COA1: variants seen among roughly 807,000 people sequenced by gnomAD.
COA1 encodes the protein cytochrome c oxidase assembly factor 1.
In COA1, 13 loss-of-function variants were observed where a neutral mutation model predicts 16.0. The ratio of observed to expected loss-of-function variants is 0.81; its 90% CI spans 0.53 to 1.29. COA1 has a LOEUF of 1.29. Ranked by LOEUF, COA1 falls within the 50% of genes most tolerant of loss-of-function variation. COA1 has a pLI of 0.00. For synonymous variants in COA1, 65 were observed against 65.7 expected, an observed-to-expected ratio of 0.99 and a Z score of 0.05; for missense variants, 179 against 177.0, an observed-to-expected ratio of 1.01 and a Z score of -0.06.
chr7:43,674,456 G>A (rs576655237), intron 1 of COA1, among the ~76,000 whole-genome samples: 1 of 152,248 alleles, frequency 6.6e-6, no homozygotes, highest in East Asian at 1.9e-4. Flanking sequence ...ACACAACAAA[G>A]CTTACTTCTT....
intron 1 of COA1, among the ~76,000 whole-genome samples, chr7:43,712,736 AG>A (rs2095289465): frequency 6.6e-6 from 1 of 152,200 alleles, no homozygotes; most frequent in East Asian, 1.9e-4. Flanking sequence ...ATTGAACCTC[AG>A]GAACAGTCAG....
intron 1 of COA1, among the ~76,000 whole-genome samples, chr7:43,669,957 G>A (rs992326045): frequency 2.6e-5 from 4 of 152,066 alleles, no homozygotes; most frequent in African/African-American, 7.2e-5. Context: ...AAAGGAAAGC[G>A]GGGCCCTGGC....
At chr7:43,640,019 A>G (rs1324739309) in intron 5 of COA1, among the ~76,000 whole-genome samples, 2 of 152,194 alleles carry the variant, frequency 1.3e-5, no homozygotes, top group African/African-American at 4.8e-5. Flanking sequence ...TCCCAGGCTC[A>G]GAGGTCAGTG....
chr7:43,670,296 G>C (rs960130840), intron 1 of COA1, among the ~76,000 whole-genome samples: 23 of 151,776 alleles, frequency 1.5e-4, no homozygotes, highest in African/African-American at 5.6e-4. Flanking sequence ...TAAAAATACA[G>C]AAAAAAATTA....
At chr7:43,710,375 A>AAAAATATAT (rs761592421) in intron 1 of COA1, among the ~76,000 whole-genome samples, 1 of 36,450 alleles carries the variant, frequency 2.7e-5, no homozygotes, top group African/African-American at 1.3e-4. Context: ...AAAAAAAAAA[A>AAAAATATAT]ATATATATAT....
intron 1 of COA1, among the ~76,000 whole-genome samples, chr7:43,684,806 T>C (rs998559758): frequency 3.9e-5 from 6 of 152,212 alleles, no homozygotes; most frequent in Non-Finnish European, 7.3e-5. Context: ...TCTGACACTT[T>C]TGGGGTAGCC....
intron 1 of COA1, among the ~76,000 whole-genome samples, chr7:43,658,539 T>C (rs10951739): frequency 0.83 from 125,956 of 152,182 alleles, 52,579 homozygotes; most frequent in African/African-American, 0.94. Context: ...TTCTAAACTG[T>C]ACTTTCTTAA....
chr7:43,647,512 C>A (rs776556154), intron 3 of COA1, 23 bp downstream of exon 3: 2 of 1,549,100 alleles, frequency 1.3e-6, no homozygotes, highest in South Asian at 1.1e-5. Flanking sequence ...GGTCAGGCCG[C>A]AGGCGGCTAG....
intron 4 of COA1, among the ~76,000 whole-genome samples, chr7:43,644,785 G>GAGAGAGAGA (rs1563229504): frequency 2.8e-5 from 3 of 107,306 alleles, no homozygotes; most frequent in African/African-American, 4.2e-5. Flanking sequence ...CAGGCAGGCA[G>GAGAGAGAGA]GCAGGCAGAG....
chr7:43,635,608 C>T (rs566925546), downstream of COA1, among the ~76,000 whole-genome samples: 46 of 152,304 alleles, frequency 3.0e-4, no homozygotes, highest in African/African-American at 1.1e-3. Context: ...CTAAGTTCAA[C>T]GAGGCAGGGA....
intron 1 of COA1, among the ~76,000 whole-genome samples, chr7:43,694,958 C>T (rs2131160244): frequency 6.6e-6 from 1 of 152,154 alleles, no homozygotes; most frequent in Non-Finnish European, 1.5e-5. Context: ...CTCCAGCCTT[C>T]TATCTGCCAG....
At chr7:43,691,419 G>GGAAGGAAGAA (rs1271735292) in intron 1 of COA1, among the ~76,000 whole-genome samples, 8 of 82,270 alleles carry the variant, frequency 9.7e-5, no homozygotes, top group African/African-American at 3.3e-4. Flanking sequence ...AAGGAAGAAA[G>GGAAGGAAGAA]AAAAAGAAAG....
intron 1 of COA1, among the ~76,000 whole-genome samples, chr7:43,658,449 T>C (rs1022723285): frequency 2.6e-5 from 4 of 152,040 alleles, no homozygotes; most frequent in African/African-American, 9.7e-5. Context: ...AACTAAGATA[T>C]AACATAAACA....
intron 6 of COA1, among the ~76,000 whole-genome samples, chr7:43,630,780 TCCTA>T (rs1054948322): frequency 2.0e-5 from 3 of 152,206 alleles, no homozygotes; most frequent in Non-Finnish European, 4.4e-5. Context: ...CATTTTATCT[TCCTA>T]CCAACACATT....
At chr7:43,704,456 A>G (rs1378696057) in intron 1 of COA1, among the ~76,000 whole-genome samples, 1 of 152,188 alleles carries the variant, frequency 6.6e-6, no homozygotes, top group East Asian at 1.9e-4. Context: ...AATGCCAATG[A>G]GTCACAGGTT....
At chr7:43,666,981 A>G (rs1182893783) in intron 1 of COA1, among the ~76,000 whole-genome samples, 1 of 152,244 alleles carries the variant, frequency 6.6e-6, no homozygotes, top group Non-Finnish European at 1.5e-5. Flanking sequence ...TAAAAGGGTT[A>G]TAAAAGGCTT....
chr7:43,716,001 T>C (rs2095385634), intron 1 of COA1, among the ~76,000 whole-genome samples: 1 of 152,166 alleles, frequency 6.6e-6, no homozygotes, highest in Non-Finnish European at 1.5e-5. Context: ...TAGGACTTGC[T>C]CCTCCTTGCC....
chr7:43,616,640 G>A (rs1277008142), intron 6 of COA1, among the ~76,000 whole-genome samples: 2 of 152,198 alleles, frequency 1.3e-5, no homozygotes, highest in Non-Finnish European at 2.9e-5. Flanking sequence ...GCTCACGCCT[G>A]TAATCCCAGC....
intron 1 of COA1, among the ~76,000 whole-genome samples, chr7:43,684,615 C>A (rs1017498163): frequency 3.3e-5 from 5 of 152,166 alleles, no homozygotes; most frequent in African/African-American, 1.2e-4. Context: ...AGAGACCCCT[C>A]TTCTCAATGA....
Sources: gnomAD v4.1 joint callset for allele counts (sites outside exome capture counted in the v4.1 genomes callset) on GRCh38, gnomAD v4.1.1 for gene constraint, MANE v1.5 for transcripts, NCBI Gene and HGNC (gene_info 2026-07-23, HGNC 2026-07-21) for gene names.